The following COL21A1 variants were observed in gnomAD, a reference collection of about 807,000 sequenced individuals.
COL21A1 encodes the protein collagen type XXI alpha 1 chain.
COL21A1 carries 149 observed loss-of-function variants against 137.9 expected under a neutral mutation model. That is an observed-to-expected ratio of 1.08 (90% CI 0.95 to 1.24). COL21A1 has a LOEUF of 1.24. COL21A1 is among the 50% of genes most tolerant of loss of function. The pLI is 0.00. For synonymous variants in COL21A1, 456 were observed against 391.5 expected (o/e 1.16, Z -1.95); for missense variants, 1,167 against 1,158.4 (o/e 1.01, Z -0.11).
At chr6:56,294,869 A>AT (rs1158375621) in intron 1 of COL21A1, among the ~76,000 whole-genome samples, 1 of 151,954 alleles carries the variant, frequency 6.6e-6, no homozygotes, top group Non-Finnish European at 1.5e-5. Context: ...GGTGGCAGAA[A>AT]TTTTTTTCCC....
At chr6:56,252,246 C>G (rs866192092), upstream of COL21A1, among the ~76,000 whole-genome samples, 28 of 152,202 alleles carry the variant, frequency 1.8e-4, no homozygotes, top group African/African-American at 6.3e-4. Flanking sequence ...TACAGCTTAA[C>G]AAGCTTTTCC....
chr6:56,063,991 C>T (rs1243775825), intron 24 of COL21A1, among the ~76,000 whole-genome samples: 2 of 152,118 alleles, frequency 1.3e-5, no homozygotes, highest in Non-Finnish European at 2.9e-5. Flanking sequence ...CACTTTGGCT[C>T]TGACTGAACT....
intron 10 of COL21A1, among the ~76,000 whole-genome samples, chr6:56,145,229 C>A (rs1274351439): frequency 6.6e-6 from 1 of 152,096 alleles, no homozygotes; most frequent in Non-Finnish European, 1.5e-5. Context: ...TTTGTTATAT[C>A]TTTGGAGGAA....
chr6:56,266,150 T>C (rs979638710), intron 1 of COL21A1, among the ~76,000 whole-genome samples: 4 of 152,138 alleles, frequency 2.6e-5, no homozygotes, highest in Non-Finnish European at 5.9e-5. Flanking sequence ...AGACAGTGAA[T>C]TAGTGTTATC....
intron 1 of COL21A1, among the ~76,000 whole-genome samples, chr6:56,221,093 C>G (rs774319939): frequency 3.3e-5 from 5 of 152,062 alleles, no homozygotes; most frequent in Non-Finnish European, 4.4e-5. Flanking sequence ...CATTTGAAAC[C>G]ACATTAACTC....
At chr6:56,319,733 A>T (rs1448670646) in intron 1 of COL21A1, among the ~76,000 whole-genome samples, 1 of 152,140 alleles carries the variant, frequency 6.6e-6, no homozygotes, top group East Asian at 1.9e-4. Flanking sequence ...TACCAAATTT[A>T]AAAATCTCAG....
intron 1 of COL21A1, among the ~76,000 whole-genome samples, chr6:56,204,382 C>T (rs555638311): frequency 9.9e-4 from 151 of 152,224 alleles, no homozygotes; most frequent in Non-Finnish European, 1.8e-3. Context: ...GAGGAGCCCA[C>T]CACAGCTCAG....
chr6:56,141,151 C>G (rs1345100270), intron 12 of COL21A1, among the ~76,000 whole-genome samples: 2 of 152,106 alleles, frequency 1.3e-5, no homozygotes, highest in Non-Finnish European at 2.9e-5. Context: ...CATTTTATTG[C>G]AGCACTATTC....
At chr6:56,348,757 T>C (rs572227558) in intron 1 of COL21A1, among the ~76,000 whole-genome samples, 17 of 152,346 alleles carry the variant, frequency 1.1e-4, no homozygotes, top group Non-Finnish European at 2.2e-4. Context: ...TGGGATTAGA[T>C]AACAGGGCAA....
intron 1 of COL21A1, among the ~76,000 whole-genome samples, chr6:56,316,972 C>T (rs1260057653): frequency 1.3e-5 from 2 of 152,010 alleles, no homozygotes; most frequent in East Asian, 3.9e-4. Context: ...AGACTGCAGC[C>T]CCAAGGAGTT....
chr6:56,318,648 T>C (rs1049606039), intron 1 of COL21A1, among the ~76,000 whole-genome samples: 19 of 152,142 alleles, frequency 1.2e-4, no homozygotes, highest in South Asian at 6.2e-4. Context: ...GGTTCCTTTA[T>C]GTAACTAAGT....
chr6:56,087,066 GTTTTGT>G (rs1768325741), intron 17 of COL21A1, among the ~76,000 whole-genome samples: 1 of 1,492 alleles, frequency 6.7e-4, no homozygotes, highest in South Asian at 0.021. Flanking sequence ...TTCACCTTTT[GTTTTGT>G]TTTGTTTTGT....
At chr6:56,229,764 C>T (rs532823063) in intron 1 of COL21A1, among the ~76,000 whole-genome samples, 4 of 151,866 alleles carry the variant, frequency 2.6e-5, no homozygotes, top group South Asian at 2.1e-4. Context: ...CCACTCAGCT[C>T]GTTGGCCATG....
chr6:56,064,866 A>G (rs529033512), intron 23 of COL21A1, among the ~76,000 whole-genome samples: 37 of 152,188 alleles, frequency 2.4e-4, no homozygotes, highest in African/African-American at 8.9e-4. Context: ...TGGGTGAAAC[A>G]TGTAAATAAT....
intron 10 of COL21A1, among the ~76,000 whole-genome samples, chr6:56,145,097 C>T (rs190445245): frequency 3.9e-4 from 60 of 152,270 alleles, no homozygotes; most frequent in African/African-American, 1.3e-3. Flanking sequence ...TATCAGCCAC[C>T]ATTAGTACAT....
rs371876064 is a variant in COL21A1, at chr6:56,060,327, T to C, written c.2408-109A>G. The C allele has an allele frequency of 8.0e-5, 69 of 857,876 alleles. No individual in the cohort carries two copies. In the Middle Eastern group the frequency reaches 1.0e-3, roughly 13 times the overall value. The allele number at this position is 857,876 out of a possible 1,614,324, so 53.1% of individuals were successfully genotyped here. A position where few individuals can be genotyped will look rare whatever the true frequency, so the allele number is the denominator to read the frequency against. On this transcript the variant is annotated intron_variant, in intron 27 of 29. Coordinates refer to ENST00000244728, the MANE Select transcript of COL21A1 (RefSeq NM_030820.4). ...GAGAAAAAACTACGAACATTGAATATGTGCATATTTCTTGGCCAATAATTT... is the reference window on the plus strand; with the variant it reads ...GAGAAAAAACTACGAACATTGAATACGTGCATATTTCTTGGCCAATAATTT...
chr6:56,117,662 C>T (rs1285200500), intron 16 of COL21A1, among the ~76,000 whole-genome samples: 1 of 151,948 alleles, frequency 6.6e-6, no homozygotes, highest in African/African-American at 2.4e-5. Flanking sequence ...GGATTATTCT[C>T]GAAGACAGAC....
intron 1 of COL21A1, among the ~76,000 whole-genome samples, chr6:56,245,649 C>G (rs1311751658): frequency 6.6e-6 from 1 of 152,108 alleles, no homozygotes; most frequent in Non-Finnish European, 1.5e-5. Context: ...CTAGTACGCC[C>G]CACATTTCAC....
intron 1 of COL21A1, among the ~76,000 whole-genome samples, chr6:56,297,116 A>T (rs9396194): frequency 0.84 from 128,140 of 151,972 alleles, 56,016 homozygotes; most frequent in South Asian, 0.97. Flanking sequence ...GAGCCCAAAC[A>T]TTTTTTAATT....
Sources: allele counts gnomAD v4.1 joint callset (sites outside exome capture counted in the v4.1 genomes callset), GRCh38; gene constraint gnomAD v4.1.1; transcripts MANE v1.5; gene names NCBI Gene and HGNC (gene_info 2026-07-23, HGNC 2026-07-21).